Variants in PLCB4 observed in about 807,000 individuals in gnomAD.
PLCB4 encodes phospholipase C beta 4.
In PLCB4, 77 loss-of-function variants were observed where a neutral mutation model predicts 178.8. The ratio of observed to expected loss-of-function variants is 0.43; its 90% CI spans 0.36 to 0.52. The LOEUF is 0.52. Among genes scored for constraint, PLCB4 ranks in the 20% least tolerant of loss-of-function variants. The pLI, the probability that PLCB4 is intolerant of heterozygous loss-of-function variation, is 0.00. For missense variants in PLCB4, 1,024 were observed against 1,453.4 expected (o/e 0.70, Z 4.80); for synonymous variants, 496 against 490.8 (o/e 1.01, Z -0.14).
intron 2 of PLCB4, among the ~76,000 whole-genome samples, chr20:9,210,049 G>C (rs6140896): frequency 6.6e-6 from 1 of 151,398 alleles, no homozygotes; most frequent in East Asian, 1.9e-4. Flanking sequence ...ATGAGCTAAT[G>C]AATGTGTGTT....
At chr20:9,329,111 C>T (rs902222412) in intron 4 of PLCB4, among the ~76,000 whole-genome samples, 2 of 152,160 alleles carry the variant, frequency 1.3e-5, no homozygotes, top group Non-Finnish European at 2.9e-5. Context: ...TTATTGTACA[C>T]GTGGTGACAA....
chr20:9,307,449 C>T (rs910402626), intron 3 of PLCB4, among the ~76,000 whole-genome samples: 3 of 149,652 alleles, frequency 2.0e-5, no homozygotes, highest in Admixed American at 6.7e-5. Flanking sequence ...TTTTGGTCTA[C>T]GGTTTCCTTA....
In PLCB4 at chr20:9,459,830, C is replaced by A; in HGVS notation, c.3248+20C>A. ...TGACAGGTGGGGGAATTGCCGTCTCCAGAGTAAACATCTAATATTTAAAAA... is the reference window on the plus strand; with the variant it reads ...TGACAGGTGGGGGAATTGCCGTCTCAAGAGTAAACATCTAATATTTAAAAA... On this transcript the variant is annotated intron_variant, in intron 35 of 39. Coordinates refer to ENST00000378473, the MANE Select transcript of PLCB4 (RefSeq NM_001377142.1). The A allele has an allele frequency of 6.5e-7, 1 of 1,546,144 alleles. No individual in the cohort carries two copies. Among genetic ancestry groups the A allele is most frequent in the Non-Finnish European group, 8.9e-7 (1 of 1,123,512 alleles).
intron 37 of PLCB4, 87 bp downstream of exon 37, chr20:9,472,934 GTTTAA>G (rs1172680426): frequency 8.2e-6 from 6 of 729,570 alleles, no homozygotes; most frequent in Non-Finnish European, 1.4e-5. Context: ...TAGCTAATTT[GTTTAA>G]TTTGATTTTT....
At chr20:9,362,023 C>T (rs965581791) in intron 7 of PLCB4, among the ~76,000 whole-genome samples, 7 of 152,184 alleles carry the variant, frequency 4.6e-5, no homozygotes, top group Non-Finnish European at 1.0e-4. Flanking sequence ...CCTTCCTCAG[C>T]ACTAAGCCGC....
chr20:9,171,322 G>T (rs982258526), intron 2 of PLCB4, among the ~76,000 whole-genome samples: 1 of 152,100 alleles, frequency 6.6e-6, no homozygotes, highest in Admixed American at 6.6e-5. Flanking sequence ...GACAGTTTAC[G>T]TTTCCTTGCT....
At chr20:9,211,712 T>G (rs1265448370) in intron 2 of PLCB4, among the ~76,000 whole-genome samples, 3 of 152,218 alleles carry the variant, frequency 2.0e-5, no homozygotes, top group Non-Finnish European at 2.9e-5. Flanking sequence ...TGTAAATAAT[T>G]ATAGTTATGT....
chr20:9,477,988 T>A (rs2044663978), intron 39 of PLCB4, among the ~76,000 whole-genome samples: 1 of 152,112 alleles, frequency 6.6e-6, no homozygotes, highest in Non-Finnish European at 1.5e-5. Flanking sequence ...TAGGTCCATG[T>A]TTCTATTTTC....
intron 4 of PLCB4, among the ~76,000 whole-genome samples, chr20:9,333,119 C>T (rs1038742473): frequency 1.3e-5 from 2 of 152,198 alleles, no homozygotes; most frequent in Non-Finnish European, 2.9e-5. Context: ...ATTTGTTTTA[C>T]ATATTGGCCT....
intron 33 of PLCB4, among the ~76,000 whole-genome samples, chr20:9,455,917 C>A (rs151093718): frequency 6.6e-6 from 1 of 152,194 alleles, no homozygotes; most frequent in African/African-American, 2.4e-5. Context: ...CCCAATGCAA[C>A]CTCCGCCTCC....
rs142136688 is a variant in PLCB4, at chr20:9,216,557, T to C, written c.-78-833T>C. ...CTCCGTTGCCCAGGCTGGAGTGCAGTGGCATGATCTTTGCTCACTGCAACC... is the reference window on the plus strand; with the variant it reads ...CTCCGTTGCCCAGGCTGGAGTGCAGCGGCATGATCTTTGCTCACTGCAACC... On this transcript the variant is annotated intron_variant, in intron 2 of 39. Transcript: ENST00000378473. Among the ~76,000 whole-genome samples, 1,269 of 152,138 alleles carry C rather than the reference T, an allele frequency of 8.3e-3. 57 individuals are homozygous for C. Among genetic ancestry groups the C allele is most frequent in the Admixed American group, 0.06 (913 of 15,278 alleles).
chr20:9,446,271 A>G (rs982491270), intron 32 of PLCB4, among the ~76,000 whole-genome samples: 1 of 152,232 alleles, frequency 6.6e-6, no homozygotes, highest in African/African-American at 2.4e-5. Context: ...TCCAGAATCC[A>G]TAGTCTTGCA....
chr20:9,156,851 CCCTTCCTT>C (rs1281527899), intron 2 of PLCB4, among the ~76,000 whole-genome samples: 3 of 88,952 alleles, frequency 3.4e-5, no homozygotes, highest in African/African-American at 1.4e-4. Flanking sequence ...CTCCCTCCCT[CCCTTCCTT>C]CCTTCCTTCC....
At chr20:9,352,719 T>C (rs2148169084) in intron 7 of PLCB4, among the ~76,000 whole-genome samples, 1 of 152,356 alleles carries the variant, frequency 6.6e-6, no homozygotes, top group African/African-American at 2.4e-5. Flanking sequence ...CCCATACTCA[T>C]AGATGGCAGC....
At chr20:9,243,458 G>A (rs2094089307) in intron 3 of PLCB4, among the ~76,000 whole-genome samples, 1 of 152,134 alleles carries the variant, frequency 6.6e-6, no homozygotes, top group East Asian at 1.9e-4. Flanking sequence ...GATCCATTTG[G>A]GATTTCATGG....
At chr20:9,172,777 GAGGATTATATTA>G (rs1442532173) in intron 2 of PLCB4, among the ~76,000 whole-genome samples, 1 of 152,114 alleles carries the variant, frequency 6.6e-6, no homozygotes, top group Non-Finnish European at 1.5e-5. Flanking sequence ...GAATTAACAG[GAGGATTATATTA>G]AGGCAAAATA....
intron 2 of PLCB4, among the ~76,000 whole-genome samples, chr20:9,098,645 C>T (rs896839608): frequency 2.0e-5 from 3 of 147,698 alleles, no homozygotes; most frequent in South Asian, 2.1e-4. Flanking sequence ...CATATATATA[C>T]GTATATATGT....
chr20:9,123,300 C>T (rs4142214), intron 2 of PLCB4, among the ~76,000 whole-genome samples: 131,917 of 152,038 alleles, frequency 0.87, 57,430 homozygotes, highest in East Asian at 1. Context: ...AAATATTTTA[C>T]TGCAGCTTGT....
chr20:9,426,283 G>A (rs532259631), intron 28 of PLCB4, among the ~76,000 whole-genome samples: 4 of 152,270 alleles, frequency 2.6e-5, no homozygotes, highest in South Asian at 2.1e-4. Context: ...GTATCAGAGA[G>A]CAATTCTGAG....
Sources: allele counts gnomAD v4.1 joint callset (sites outside exome capture counted in the v4.1 genomes callset), GRCh38; gene constraint gnomAD v4.1.1; transcripts MANE v1.5; gene names NCBI Gene and HGNC (gene_info 2026-07-23, HGNC 2026-07-21).